The following NTRK3 variants were observed in gnomAD, a reference collection of about 807,000 sequenced individuals.
NTRK3 encodes neurotrophic receptor tyrosine kinase 3.
A neutral mutation model predicts 91.7 loss-of-function variants in NTRK3; 24 were observed. The observed-to-expected ratio is 0.26, with a 90% CI of 0.19 to 0.37. The LOEUF (loss-of-function observed/expected upper bound fraction) is 0.37, where lower values mean the gene tolerates loss of function less well. NTRK3 is among the 10% of genes least tolerant of loss of function. The pLI is 1.00. For synonymous variants in NTRK3, 483 were observed against 404.0 expected (o/e 1.20, Z -2.34); for missense variants, 880 against 1,068.9 (o/e 0.82, Z 2.46).
intron 14 of NTRK3, among the ~76,000 whole-genome samples, chr15:87,942,034 C>T (rs528710678): frequency 5.9e-5 from 9 of 152,282 alleles, no homozygotes; most frequent in African/African-American, 1.9e-4. Context: ...AATGAGGAGA[C>T]GTAATAGGGA....
At chr15:88,208,042 C>T (rs190391893) in intron 3 of NTRK3, among the ~76,000 whole-genome samples, 1 of 152,162 alleles carries the variant, frequency 6.6e-6, no homozygotes, top group Non-Finnish European at 1.5e-5. Flanking sequence ...TCACCCCACT[C>T]CCTGCAATGG....
At chr15:88,175,922 G>A (rs1158409456) in intron 5 of NTRK3, among the ~76,000 whole-genome samples, 3 of 152,070 alleles carry the variant, frequency 2.0e-5, no homozygotes, top group Non-Finnish European at 4.4e-5. Flanking sequence ...GATGAGGGTG[G>A]GTTAGAGGCA....
chr15:87,970,998 T>C (rs1167722568), intron 14 of NTRK3, among the ~76,000 whole-genome samples: 1 of 152,174 alleles, frequency 6.6e-6, no homozygotes, highest in Non-Finnish European at 1.5e-5. Context: ...GTTATTCTGG[T>C]CTTCTTAACG....
chr15:87,964,455 T>C (rs1432040727), intron 14 of NTRK3, among the ~76,000 whole-genome samples: 1 of 151,644 alleles, frequency 6.6e-6, no homozygotes, highest in Non-Finnish European at 1.5e-5. Flanking sequence ...TACATATTTA[T>C]TATATAACTT....
At chr15:87,929,600 C>T (rs2068617969) in intron 16 of NTRK3, among the ~76,000 whole-genome samples, 166 bp from the exon 17 acceptor site, 1 of 152,164 alleles carries the variant, frequency 6.6e-6, no homozygotes, top group African/African-American at 2.4e-5. Flanking sequence ...AGATTATGTA[C>T]GTGTGGGTAA....
At chr15:87,921,424 C>G (rs1054414935) in intron 17 of NTRK3, among the ~76,000 whole-genome samples, 1 of 152,184 alleles carries the variant, frequency 6.6e-6, no homozygotes, top group Non-Finnish European at 1.5e-5. Flanking sequence ...GTCAGCATCC[C>G]TCAAGAACCA....
chr15:88,242,941 G>A (rs1273034643), intron 3 of NTRK3, among the ~76,000 whole-genome samples: 24 of 152,202 alleles, frequency 1.6e-4, no homozygotes, highest in Admixed American at 1.5e-3. Flanking sequence ...AACAGAATAT[G>A]AGGCCGCCCC....
At chr15:88,150,904 G>A (rs563891763) in intron 5 of NTRK3, among the ~76,000 whole-genome samples, 8 of 152,178 alleles carry the variant, frequency 5.3e-5, no homozygotes, top group African/African-American at 9.6e-5. Flanking sequence ...CCACCCACTC[G>A]GAACTCATTG....
exon 19 of NTRK3, chr15:87,874,909 G>A (rs1170583608): frequency 4.3e-6 from 1 of 232,572 alleles, no homozygotes; most frequent in East Asian, 6.1e-5. Context: ...GCACAGCACA[G>A]TGAGAAAACC....
At chr15:87,944,148 C>T (rs1209602691) in intron 14 of NTRK3, among the ~76,000 whole-genome samples, 4 of 152,166 alleles carry the variant, frequency 2.6e-5, no homozygotes, top group African/African-American at 7.2e-5. Context: ...AGATTTTATT[C>T]GACCATAAAT....
intron 13 of NTRK3, among the ~76,000 whole-genome samples, chr15:88,121,276 C>A (rs768364782): frequency 6.6e-6 from 1 of 152,074 alleles, no homozygotes; most frequent in African/African-American, 2.4e-5. Flanking sequence ...GTTCTAATGA[C>A]GACGTGAAAT....
At chr15:88,190,460 T>C (rs2047298494) in intron 3 of NTRK3, among the ~76,000 whole-genome samples, 1 of 152,226 alleles carries the variant, frequency 6.6e-6, no homozygotes, top group South Asian at 2.1e-4. Context: ...TCAGAAGCTC[T>C]TGATGGATGC....
At position 87,933,077 on chromosome 15, in the gene NTRK3, G is replaced by A. The variant is rs376552616; in HGVS notation, c.1824C>T (p.Gly608=). The A allele has an allele frequency of 3.0e-5, 48 of 1,613,900 alleles. 1 individual carries two copies. The highest frequency in any genetic ancestry group is 1.9e-4 in the South Asian group (17 of 91,074). The change falls in exon 16 of 19, where the codon GGC becomes GGT. Residue 608 remains glycine (G), a synonymous_variant. Transcript: ENST00000394480. ...AGACCATGATGAGGGGGTCCCCATC[G>A]CCGCACACTCCATAGAACTTGACAA...
chr15:88,109,001 T>G (rs1454994418), intron 13 of NTRK3, among the ~76,000 whole-genome samples: 1 of 152,188 alleles, frequency 6.6e-6, no homozygotes, highest in African/African-American at 2.4e-5. Context: ...CACCCCTCAC[T>G]ATTTTCCAAC....
At chr15:87,981,535 A>C (rs1185418689) in intron 14 of NTRK3, among the ~76,000 whole-genome samples, 1 of 152,170 alleles carries the variant, frequency 6.6e-6, no homozygotes, top group Non-Finnish European at 1.5e-5. Flanking sequence ...TTTACGCATA[A>C]AATCTAGATC....
intron 14 of NTRK3, among the ~76,000 whole-genome samples, chr15:87,958,164 G>T (rs893083360): frequency 6.6e-6 from 1 of 152,156 alleles, no homozygotes; most frequent in East Asian, 1.9e-4. Context: ...ATAAAATACT[G>T]CATAAAAGGC....
intron 14 of NTRK3, among the ~76,000 whole-genome samples, chr15:88,012,162 G>T (rs1016928644): frequency 5.3e-5 from 8 of 152,158 alleles, no homozygotes; most frequent in Admixed American, 2.0e-4. Flanking sequence ...TCAGCTCTTT[G>T]GCTGCCATCC....
At chr15:88,181,849 C>T (rs1036865085) in intron 5 of NTRK3, among the ~76,000 whole-genome samples, 2 of 152,228 alleles carry the variant, frequency 1.3e-5, no homozygotes, top group African/African-American at 2.4e-5. Context: ...CGTGACCCCA[C>T]CTGGTCCACC....
At chr15:87,998,191 T>C (rs2141588215) in intron 14 of NTRK3, among the ~76,000 whole-genome samples, 1 of 152,320 alleles carries the variant, frequency 6.6e-6, no homozygotes, top group Non-Finnish European at 1.5e-5. Flanking sequence ...AAAAATCCCC[T>C]AGGGACAGAA....
Sources: allele counts gnomAD v4.1 joint callset (sites outside exome capture counted in the v4.1 genomes callset), GRCh38; gene constraint gnomAD v4.1.1; transcripts MANE v1.5; gene names NCBI Gene and HGNC (gene_info 2026-07-23, HGNC 2026-07-21).